ZNF180: variants seen among roughly 807,000 people sequenced by gnomAD.
The protein encoded by ZNF180 is zinc finger protein 180.
In ZNF180, 11 loss-of-function variants were observed where a neutral mutation model predicts 11.8. The ratio of observed to expected loss-of-function variants is 0.93; its 90% CI spans 0.59 to 1.55. ZNF180 has a LOEUF of 1.55. ZNF180 is among the 40% of genes most tolerant of loss of function. The pLI is 0.00. For missense variants in ZNF180, 773 were observed against 781.7 expected, an observed-to-expected ratio of 0.99 and a Z score of 0.13; for synonymous variants, 287 against 257.7, an observed-to-expected ratio of 1.11 and a Z score of -1.09.
intron 1 of ZNF180, chr19:44,500,061 C>T (rs1970704434): frequency 2.3e-6 from 3 of 1,300,222 alleles, no homozygotes; most frequent in Middle Eastern, 1.8e-4. Flanking sequence ...GACAAGAGCA[C>T]CACCTGACCA....
chr19:44,484,793 T>C (rs1296349454), intron 2 of ZNF180: 1 of 248,966 alleles, frequency 4.0e-6, no homozygotes, highest in Non-Finnish European at 7.8e-6. Flanking sequence ...CACAAAATTA[T>C]AAGCAAATAA....
At chr19:44,499,129 T>C (rs1970666737) in intron 1 of ZNF180, among the ~76,000 whole-genome samples, 1 of 152,136 alleles carries the variant, frequency 6.6e-6, no homozygotes, top group Admixed American at 6.5e-5. Flanking sequence ...AACTAAACAG[T>C]AGCTTGAGCA....
At chr19:44,487,477 A>T (rs115368647) in intron 2 of ZNF180, among the ~76,000 whole-genome samples, 1,917 of 152,246 alleles carry the variant, frequency 0.013, 33 homozygotes, top group African/African-American at 0.044. Context: ...TGTTGCCCAG[A>T]CTGGTCTCAA....
At chr19:44,485,720 T>TA (rs1333183404) in intron 2 of ZNF180, among the ~76,000 whole-genome samples, 7 of 152,220 alleles carry the variant, frequency 4.6e-5, no homozygotes, top group African/African-American at 1.7e-4. Flanking sequence ...TTGAAATCCT[T>TA]AAAGATTCAC....
At chr19:44,488,187 C>G in intron 2 of ZNF180, among the ~76,000 whole-genome samples, 1 of 39,310 alleles carries the variant, frequency 2.5e-5, no homozygotes, top group Non-Finnish European at 4.7e-5. Flanking sequence ...CTTCTCTTTC[C>G]ACGGTCTCCC....
intron 2 of ZNF180, among the ~76,000 whole-genome samples, chr19:44,488,190 G>A (rs530161841): frequency 5.8e-5 from 2 of 34,270 alleles, no homozygotes; most frequent in African/African-American, 3.2e-4. Flanking sequence ...CTCTTTCCAC[G>A]GTCTCCCTCT....
chr19:44,476,533 C>T lies in ZNF180; in HGVS notation c.1867G>A (p.Val623Met), dbSNP rs547543456. Residue 623 changes from valine (V) to methionine (M), a missense_variant, in exon 5 of 5, where the codon GTG becomes ATG. Transcript: ENST00000592529. The part of the protein sequence containing the change: ...KTFSLSARLI[V>M]HQRTHTGEKP... The stretch of plus-strand genomic sequence containing the variant: ...TCTCCAGTATGAGTTCTTTGATGCA[C>T]AATAAGTCGAGCACTCAAGCTAAAT... The T allele has an allele frequency of 3.6e-5, 58 of 1,613,936 alleles. No individual in the cohort carries two copies. In the Admixed American group the frequency reaches 7.5e-4, roughly 21 times the overall value.
In ZNF180 at chr19:44,495,171, CACTT is replaced by C. The variant is rs1280830405; in HGVS notation, c.51+2109_51+2112del. Among the ~76,000 whole-genome samples the C allele has an allele frequency of 7.9e-5, 12 of 152,254 alleles. No individual in the cohort carries two copies. In the East Asian group the frequency reaches 2.3e-3, roughly 29 times the overall value. On this transcript the variant is annotated intron_variant, in intron 2 of 4. Transcript: ENST00000592529. The surrounding 1 kb of genome is among the most constrained non-coding windows in gnomAD (Gnocchi z 4.5). ...GCCTGGCTCCAGTCCCTTATATATA[CACTT>C]ACTTATCTGATCTAGCCCCCTGTAG...
rs1343921983 is a variant in ZNF180, at chr19:44,477,673, C to A, written c.727G>T (p.Asp243Tyr). 10 of 1,613,798 alleles carry A rather than the reference C, an allele frequency of 6.2e-6. No homozygotes were observed. The highest frequency in any genetic ancestry group is 6.8e-6 in the Non-Finnish European group (8 of 1,179,914). Reference protein sequence around the residue: ...LIQFTRTQTKDKSYGFSDRIQ... With the variant: ...LIQFTRTQTKYKSYGFSDRIQ... ...CGGTCACTAAATCCATAGGATTTATCTTTTGTTTGAGTTCTTGTAAACTGA... is the reference window on the plus strand; with the variant it reads ...CGGTCACTAAATCCATAGGATTTATATTTTGTTTGAGTTCTTGTAAACTGA... The change falls in exon 5 of 5, where the codon GAT (aspartate) becomes TAT (tyrosine). Residue 243 changes from aspartate to tyrosine, a missense_variant. Transcript: ENST00000592529.
rs1969887594 is a variant in ZNF180, at chr19:44,476,638, T to C, written c.1762A>G (p.Arg588Gly). 6.2e-7 allele frequency: 1 copy of C among 1,614,056 alleles called. No individual in the cohort carries two copies. The highest frequency in any genetic ancestry group is 1.3e-5 in the African/African-American group (1 of 74,950). ...TGTTGAGTAAGGCATGAACTCTGTC[T>C]GAAGGACTTCCCACATTGACTGCAT... Reference protein sequence around the residue: ...YECSQCGKSFRQSSCLTQHQR... With the variant: ...YECSQCGKSFGQSSCLTQHQR... The change falls in exon 5 of 5, where the codon AGA becomes GGA. Residue 588 changes from arginine (R) to glycine (G), a missense_variant. By Grantham distance (125) the Arg-to-Gly change is moderately radical. Coordinates refer to ENST00000592529, the MANE Select transcript of ZNF180 (RefSeq NM_001278509.3).
intron 2 of ZNF180, among the ~76,000 whole-genome samples, chr19:44,486,011 G>T (rs1970219242): frequency 6.6e-6 from 1 of 152,124 alleles, no homozygotes; most frequent in African/African-American, 2.4e-5. Flanking sequence ...TCATTAGCAA[G>T]TTACATTATC....
At chr19:44,478,383 G>T (rs1969990016) in intron 4 of ZNF180, among the ~76,000 whole-genome samples, 1 of 152,162 alleles carries the variant, frequency 6.6e-6, no homozygotes. Context: ...ATCTTAGTCT[G>T]AATAAATAAG....
At position 44,485,702 on chromosome 19, in the gene ZNF180, G is replaced by C. The variant is rs1396457544; in HGVS notation, c.52-1267C>G. On this transcript the variant is annotated intron_variant, in intron 2 of 4. Transcript: ENST00000592529. ...TTAAATATCTGTATTTACAAATACT[G>C]CTTTATTTTGAAATCCTTAAAGATT... Among the ~76,000 whole-genome samples the C allele has an allele frequency of 2.6e-5, 4 of 152,168 alleles. No homozygotes were observed. The East Asian group carries it at 7.7e-4, about 29-fold the overall frequency.
Position 44,478,001 on chromosome 19 carries a change from G to C in ZNF180, c.399C>G (p.Asp133Glu). ...GTTTTTCCTGTTGCTTCTCCAACTG[G>C]TCTTTACAATCATCCACTTCTTCAC... ...SSCEEVDDCK[D>E]QLEKQQEKQE... Residue 133 changes from aspartate to glutamate, a missense_variant, in exon 5 of 5, where the codon GAC becomes GAG. Asp to Glu is a conservative substitution (Grantham distance 45). Transcript: ENST00000592529. The C allele has an allele frequency of 6.2e-7, 1 of 1,614,006 alleles. No homozygotes were observed. The highest frequency in any genetic ancestry group is 8.5e-7 in the Non-Finnish European group (1 of 1,179,972).
At chr19:44,497,426 G>A (rs772156154) in intron 1 of ZNF180, 49 bp from the exon 2 acceptor site, 33 of 1,519,602 alleles carry the variant, frequency 2.2e-5, no homozygotes, top group South Asian at 6.2e-5. Flanking sequence ...TGCCGGAACC[G>A]CTGGGCCCCC....
intron 2 of ZNF180, among the ~76,000 whole-genome samples, chr19:44,494,745 A>G (rs1970535921): frequency 6.6e-6 from 1 of 152,208 alleles, no homozygotes; most frequent in African/African-American, 2.4e-5. Flanking sequence ...ATGTAAACTT[A>G]TATTTGCTTA....
At chr19:44,484,279 C>T in intron 3 of ZNF180, 82 bp downstream of exon 3, 1 of 1,174,462 alleles carries the variant, frequency 8.5e-7, no homozygotes, top group Non-Finnish European at 1.3e-6. Context: ...AGCCACCGCG[C>T]CCGGCCTATT....
chr19:44,498,099 C>A (rs1338577808), intron 1 of ZNF180, among the ~76,000 whole-genome samples: 1 of 152,152 alleles, frequency 6.6e-6, no homozygotes, highest in African/African-American at 2.4e-5. Context: ...CCCTCCCAGG[C>A]CCTGAATTTG....
rs930851464 is a variant in ZNF180 at position 44,476,074 on chromosome 19, A to G, written c.*328T>C. The G allele has an allele frequency of 1.4e-5, 3 of 214,164 alleles. No homozygotes were observed. The highest frequency in any genetic ancestry group is 6.9e-5 in the African/African-American group (3 of 43,292). The allele number at this position is 214,164 out of a possible 1,614,324, so 13.3% of individuals were successfully genotyped here. ...CTCTTTATGGAAAAAGAGGTCTAAC[A>G]CTGGCAGTTGGCTTTGGCATATGAT... On this transcript the variant is annotated 3_prime_UTR_variant, in exon 5 of 5. Coordinates refer to ENST00000592529, the MANE Select transcript of ZNF180 (RefSeq NM_001278509.3).
Sources: gnomAD v4.1 joint callset for allele counts (sites outside exome capture counted in the v4.1 genomes callset) on GRCh38, gnomAD v4.1.1 for gene constraint, Gnocchi (gnomAD v3.1) non-coding constraint, MANE v1.5 for transcripts, NCBI Gene and HGNC (gene_info 2026-07-23, HGNC 2026-07-21) for gene names.